SAMD4A: variants seen among roughly 807,000 people sequenced by gnomAD.
SAMD4A encodes the protein protein Smaug homolog 1.
In SAMD4A, 33 loss-of-function variants were observed where a neutral mutation model predicts 81.3. The ratio of observed to expected loss-of-function variants is 0.41; its 90% CI spans 0.31 to 0.54. The LOEUF is 0.54. Ranked by LOEUF, SAMD4A falls within the 20% of genes least tolerant of loss-of-function variation. The pLI is 0.37. For missense variants in SAMD4A, 854 were observed against 951.1 expected (o/e 0.90, Z 1.34); for synonymous variants, 389 against 382.1 (o/e 1.02, Z -0.21).
At chr14:54,580,845 T>A (rs1312357225) in intron 2 of SAMD4A, among the ~76,000 whole-genome samples, 1 of 152,208 alleles carries the variant, frequency 6.6e-6, no homozygotes, top group Non-Finnish European at 1.5e-5. Flanking sequence ...AACGTTTTCG[T>A]TGAAAGAGCG....
chr14:54,591,536 T>TG (rs899443897), intron 2 of SAMD4A, among the ~76,000 whole-genome samples: 3 of 151,550 alleles, frequency 2.0e-5, no homozygotes, highest in South Asian at 2.1e-4. Context: ...TGTTTTTTTT[T>TG]TTTTGTTTTG....
intron 2 of SAMD4A, among the ~76,000 whole-genome samples, chr14:54,690,236 A>G (rs1217326137): frequency 6.6e-6 from 1 of 152,064 alleles, no homozygotes; most frequent in Admixed American, 6.5e-5. Flanking sequence ...AAATGGGTAA[A>G]TGGCATTTGG....
At chr14:54,705,630 G>C (rs8012266) in intron 3 of SAMD4A, among the ~76,000 whole-genome samples, 104,022 of 151,954 alleles carry the variant, frequency 0.68, 36,190 homozygotes, top group Admixed American at 0.74. Context: ...CTATTTTATT[G>C]CTCAGTCATT....
chr14:54,774,944 G>A lies in SAMD4A; in HGVS notation c.1726G>A (p.Gly576Arg), dbSNP rs1408186445. The A allele has an allele frequency of 1.2e-6, 2 of 1,614,042 alleles. No homozygotes were observed. The highest frequency in any genetic ancestry group is 1.7e-5 in the Admixed American group (1 of 59,996). Reference protein sequence around the residue: ...GYRQQRNRGFGQSNSLPTAGS... With the variant: ...GYRQQRNRGFRQSNSLPTAGS... ...TCTTGGCTCTCACAGTCGAGGCTTT[G>A]GGCAATCCAACTCCCTCCCGACGGC... The change falls in exon 10 of 13, where the codon GGG becomes AGG. Residue 576 changes from glycine to arginine, a missense_variant. Gly to Arg is a moderately radical substitution (Grantham distance 125). This residue lies in a region of SAMD4A where 428 missense variants were observed against 471.2 expected (regional missense o/e 0.91). Transcript: ENST00000554335.
Position 54,776,544 on chromosome 14 carries a change from G to A in SAMD4A, c.2044+4G>A. The A allele has an allele frequency of 6.4e-7, 1 of 1,559,780 alleles. No individual in the cohort carries two copies. Among genetic ancestry groups the A allele is most frequent in the Non-Finnish European group, 8.7e-7 (1 of 1,155,600 alleles). ...ATGCTGATGTTCCAGCAGCCAGGTAGGGCCCGGCGCTTCATGTCCCCTTGA... is the reference window on the plus strand; with the variant it reads ...ATGCTGATGTTCCAGCAGCCAGGTAAGGCCCGGCGCTTCATGTCCCCTTGA... On this transcript the variant is annotated splice_donor_region_variant and intron_variant, in intron 11 of 12. Coordinates refer to ENST00000554335, the MANE Select transcript of SAMD4A (RefSeq NM_015589.6).
At position 54,648,435 on chromosome 14, in the gene SAMD4A, C is replaced by G. The variant is rs190302720; in HGVS notation, c.197-53627C>G. On this transcript the variant is annotated intron_variant, in intron 2 of 12. Transcript: ENST00000554335. ...GTGATGGGGGAACAGCTCCTTTTTGCATTGTCTAATTTGTGCTGGCATAGG... is the reference window on the plus strand; with the variant it reads ...GTGATGGGGGAACAGCTCCTTTTTGGATTGTCTAATTTGTGCTGGCATAGG... 1.8e-3 allele frequency among the ~76,000 whole-genome samples: 267 copies of G among 152,300 alleles called. 1 individual carries two copies. The highest frequency in any genetic ancestry group is 6.1e-3 in the African/African-American group (254 of 41,566).
chr14:54,702,041 C>T (rs1346093681), intron 2 of SAMD4A, 21 bp from the exon 3 acceptor site: 13 of 1,610,072 alleles, frequency 8.1e-6, no homozygotes, highest in African/African-American at 4.0e-5. Context: ...GCTTATTTGC[C>T]GTGTATATTT....
intron 3 of SAMD4A, among the ~76,000 whole-genome samples, chr14:54,736,108 C>T (rs1258319724): frequency 6.6e-6 from 1 of 152,162 alleles, no homozygotes; most frequent in East Asian, 1.9e-4. Context: ...AGGGTAACAT[C>T]GGCTCCTTCA....
At position 54,748,855 on chromosome 14, in the gene SAMD4A, T is replaced by C. The variant is rs567434644; in HGVS notation, c.1020T>C (p.Tyr340=). 7.7e-6 allele frequency: 12 copies of C among 1,555,354 alleles called. No homozygotes were observed. In the South Asian group the frequency reaches 1.3e-4, roughly 17 times the overall value. Residue 340 remains tyrosine (Y), a synonymous_variant, in exon 5 of 13, where the codon TAT becomes TAC. Coordinates refer to ENST00000554335, the MANE Select transcript of SAMD4A (RefSeq NM_015589.6). ...AWLKSLRLHK[Y]AALFSQMTYE... ...TGAAAAGCCTCCGCCTGCACAAATA[T>C]GCCGCGCTTTTCTCCCAGATGACCT...
At chr14:54,622,221 C>T (rs141522106) in intron 2 of SAMD4A, among the ~76,000 whole-genome samples, 1 of 152,304 alleles carries the variant, frequency 6.6e-6, no homozygotes, top group African/African-American at 2.4e-5. Flanking sequence ...GAGTTTGTTA[C>T]ATCAACTTTG....
At chr14:54,629,809 CTG>C (rs984176323) in intron 2 of SAMD4A, among the ~76,000 whole-genome samples, 5 of 152,138 alleles carry the variant, frequency 3.3e-5, no homozygotes, top group African/African-American at 1.2e-4. Flanking sequence ...AAAAATGAAA[CTG>C]TGTGTGTATA....
At position 54,577,501 on chromosome 14, in the gene SAMD4A, G is replaced by A. The variant is rs936554979; in HGVS notation, c.196+9389G>A. Among the ~76,000 whole-genome samples the A allele has an allele frequency of 1.3e-5, 2 of 152,228 alleles. 1 individual carries two copies. The highest frequency in any genetic ancestry group is 3.8e-4 in the East Asian group (2 of 5,206). Reference sequence around the variant, plus strand: ...CAGATGACATATAAAGCATTAAAGTGTAGCCCCTACATTGGCATCCCCTAA... The same window carrying A: ...CAGATGACATATAAAGCATTAAAGTATAGCCCCTACATTGGCATCCCCTAA... On this transcript the variant is annotated intron_variant, in intron 2 of 12. Coordinates refer to ENST00000554335, the MANE Select transcript of SAMD4A (RefSeq NM_015589.6).
At chr14:54,657,980 A>T (rs965587214) in intron 2 of SAMD4A, among the ~76,000 whole-genome samples, 1 of 152,186 alleles carries the variant, frequency 6.6e-6, no homozygotes, top group South Asian at 2.1e-4. Context: ...ATGTTCATGA[A>T]TTGAACTCCA....
At chr14:54,749,260 C>A (rs2038039854) in intron 5 of SAMD4A, among the ~76,000 whole-genome samples, 1 of 152,166 alleles carries the variant, frequency 6.6e-6, no homozygotes, top group Non-Finnish European at 1.5e-5. Flanking sequence ...TTTGACCATG[C>A]CACAAAGAAT....
intron 2 of SAMD4A, among the ~76,000 whole-genome samples, chr14:54,691,592 C>G (rs540504235): frequency 6.9e-6 from 1 of 145,316 alleles, no homozygotes; most frequent in Non-Finnish European, 1.5e-5. Context: ...AAATCTTATT[C>G]TGATTGCATC....
chr14:54,718,363 A>C (rs1325636992), intron 3 of SAMD4A, among the ~76,000 whole-genome samples: 2 of 152,252 alleles, frequency 1.3e-5, no homozygotes, highest in African/African-American at 2.4e-5. Flanking sequence ...CAAAGTGGCC[A>C]AGAAAGAAAG....
chr14:54,714,678 G>A (rs2037075659), intron 3 of SAMD4A, among the ~76,000 whole-genome samples: 1 of 152,086 alleles, frequency 6.6e-6, no homozygotes. Context: ...GTGGTTGTGA[G>A]GATTAAATGA....
At chr14:54,739,049 C>CCTTTT (rs1475541817) in intron 4 of SAMD4A, among the ~76,000 whole-genome samples, 31 of 77,592 alleles carry the variant, frequency 4.0e-4, no homozygotes, top group Middle Eastern at 5.4e-3. Flanking sequence ...TTCTTTCTTT[C>CCTTTT]CTTTTCTTTT....
intron 10 of SAMD4A, among the ~76,000 whole-genome samples, chr14:54,775,894 GC>G (rs1157529117): frequency 6.6e-6 from 1 of 151,848 alleles, no homozygotes; most frequent in Non-Finnish European, 1.5e-5. Flanking sequence ...ATTGTCCCCA[GC>G]CCCCAGATCA....
Sources: gnomAD v4.1 joint callset for allele counts (sites outside exome capture counted in the v4.1 genomes callset) on GRCh38, gnomAD v4.1.1 for gene constraint, gnomAD v4.1.1 regional missense constraint, MANE v1.5 for transcripts, NCBI Gene and HGNC (gene_info 2026-07-23, HGNC 2026-07-21) for gene names.